CDH13: variants seen among roughly 807,000 people sequenced by gnomAD.
CDH13 encodes cadherin 13.
A neutral mutation model predicts 63.8 loss-of-function variants in CDH13; 24 were observed. The observed-to-expected ratio is 0.38, with a 90% confidence interval of 0.27 to 0.53. The LOEUF (loss-of-function observed/expected upper bound fraction) is 0.53. Among genes scored for constraint, CDH13 ranks in the 20% least tolerant of loss-of-function variants. The pLI is 0.85. For synonymous variants in CDH13, 503 were observed against 355.3 expected (o/e 1.42, Z -4.67); for missense variants, 1,049 against 903.1 (o/e 1.16, Z -2.07).
chr16:82,908,534 A>G (rs922434239), intron 2 of CDH13, among the ~76,000 whole-genome samples: 4 of 152,204 alleles, frequency 2.6e-5, no homozygotes, highest in Admixed American at 6.5e-5. Context: ...TTAACAATTC[A>G]GAGTCTAGAT....
intron 3 of CDH13, among the ~76,000 whole-genome samples, chr16:83,064,472 T>C (rs2031838777): frequency 6.6e-6 from 1 of 152,290 alleles, no homozygotes; most frequent in East Asian, 1.9e-4. Context: ...TAAATGTAAA[T>C]GTTCTGCTAG....
chr16:83,267,654 G>T (rs530313696), intron 5 of CDH13, among the ~76,000 whole-genome samples: 1 of 152,134 alleles, frequency 6.6e-6, no homozygotes, highest in South Asian at 2.1e-4. Context: ...CCTTCCCCTT[G>T]CAAGCTCACT....
At position 83,312,559 on chromosome 16, in the gene CDH13, G is replaced by T. The variant is rs550852319; in HGVS notation, c.637-32303G>T. On this transcript the variant is annotated intron_variant, in intron 5 of 13. Coordinates refer to ENST00000567109, the MANE Select transcript of CDH13 (RefSeq NM_001257.5). ...TGATTGGCTTAGGTTGTATCATAAG[G>T]CCACCCTTCTTGGGCAGGTTTGGAG... 4.3e-4 allele frequency among the ~76,000 whole-genome samples: 66 copies of T among 152,178 alleles called. 1 individual carries two copies. Among genetic ancestry groups the T allele is most frequent in the African/African-American group, 1.5e-3 (64 of 41,502 alleles).
intron 1 of CDH13, among the ~76,000 whole-genome samples, chr16:82,803,412 G>T (rs1217796908): frequency 6.6e-6 from 1 of 152,168 alleles, no homozygotes; most frequent in Non-Finnish European, 1.5e-5. Flanking sequence ...TAGCATGCGA[G>T]GCTCAAATGA....
intron 11 of CDH13, among the ~76,000 whole-genome samples, chr16:83,778,871 CAGTT>C (rs1915307657): frequency 6.6e-6 from 1 of 152,160 alleles, no homozygotes. Context: ...GTCAACTCCT[CAGTT>C]AGAGTAGAGC....
chr16:83,692,629 G>A (rs1484045261), intron 10 of CDH13, among the ~76,000 whole-genome samples: 1 of 152,182 alleles, frequency 6.6e-6, no homozygotes, highest in African/African-American at 2.4e-5. Context: ...TAGGCAAATA[G>A]AGACTTTCGG....
chr16:83,698,909 G>A (rs1248614738), intron 10 of CDH13, among the ~76,000 whole-genome samples: 1 of 152,264 alleles, frequency 6.6e-6, no homozygotes, highest in Admixed American at 6.5e-5. Flanking sequence ...CAATAGAACT[G>A]TGTTGACACA....
At chr16:83,059,986 G>A (rs964362069) in intron 3 of CDH13, among the ~76,000 whole-genome samples, 35 of 151,832 alleles carry the variant, frequency 2.3e-4, no homozygotes, top group Middle Eastern at 6.8e-3. Flanking sequence ...AGTAGAGACG[G>A]GGTTTCACCG....
At chr16:83,718,738 G>A (rs1909279386) in intron 10 of CDH13, among the ~76,000 whole-genome samples, 1 of 152,082 alleles carries the variant, frequency 6.6e-6, no homozygotes, top group African/African-American at 2.4e-5. Context: ...GTTTTTTCAG[G>A]GTCTTATCAG....
chr16:82,697,661 C>G (rs1001017310), intron 1 of CDH13, among the ~76,000 whole-genome samples: 1 of 151,834 alleles, frequency 6.6e-6, no homozygotes, highest in Non-Finnish European at 1.5e-5. Flanking sequence ...AACTCCTGAC[C>G]TCATGATCCA....
intron 5 of CDH13, among the ~76,000 whole-genome samples, chr16:83,281,391 T>C (rs946647388): frequency 2.6e-5 from 4 of 152,212 alleles, no homozygotes; most frequent in South Asian, 4.1e-4. Context: ...GATTAGGCTT[T>C]ACCTTAAGTG....
At chr16:83,505,200 C>A (rs907890956) in intron 7 of CDH13, among the ~76,000 whole-genome samples, 2 of 152,212 alleles carry the variant, frequency 1.3e-5, no homozygotes, top group African/African-American at 4.8e-5. Context: ...GATCCCCAGG[C>A]TTCCCCTCCC....
chr16:83,315,329 A>G (rs2090083403), intron 5 of CDH13, among the ~76,000 whole-genome samples: 1 of 152,230 alleles, frequency 6.6e-6, no homozygotes. Flanking sequence ...AGTTAATTCC[A>G]CTAAACTCTG....
chr16:82,640,075 A>G (rs1278533004), intron 1 of CDH13, among the ~76,000 whole-genome samples: 1 of 152,250 alleles, frequency 6.6e-6, no homozygotes, highest in Non-Finnish European at 1.5e-5. Context: ...TTCTGATAGC[A>G]GAGAAAGACA....
chr16:83,101,703 A>G (rs562137016), intron 3 of CDH13, among the ~76,000 whole-genome samples: 20 of 152,174 alleles, frequency 1.3e-4, no homozygotes, highest in Non-Finnish European at 2.9e-4. Flanking sequence ...CTGAGGAAGG[A>G]TAATCAATTG....
At chr16:83,343,984 G>A (rs1023930943) in intron 5 of CDH13, among the ~76,000 whole-genome samples, 8 of 152,180 alleles carry the variant, frequency 5.3e-5, no homozygotes, top group African/African-American at 1.9e-4. Context: ...TGAGAAAACT[G>A]AGATCCAGTG....
chr16:83,458,664 G>C (rs754674723), intron 6 of CDH13, among the ~76,000 whole-genome samples: 16 of 152,028 alleles, frequency 1.1e-4, no homozygotes, highest in Non-Finnish European at 1.6e-4. Flanking sequence ...CCATCTTCCT[G>C]TTGTTTTGCA....
chr16:83,033,224 T>G (rs1378928406), intron 3 of CDH13, among the ~76,000 whole-genome samples: 1 of 152,220 alleles, frequency 6.6e-6, no homozygotes. Flanking sequence ...TGTTTTGTTT[T>G]GTTTCCCATT....
intron 1 of CDH13, among the ~76,000 whole-genome samples, chr16:82,723,838 G>T (rs536344285): frequency 5.3e-5 from 8 of 152,164 alleles, no homozygotes; most frequent in Non-Finnish European, 7.4e-5. Context: ...TAGGTTCTCA[G>T]TGTTGAGCAA....
Sources: allele counts gnomAD v4.1 joint callset (sites outside exome capture counted in the v4.1 genomes callset), GRCh38; gene constraint gnomAD v4.1.1; transcripts MANE v1.5; gene names NCBI Gene and HGNC (gene_info 2026-07-23, HGNC 2026-07-21).